Variants in SNTG1 observed in about 807,000 individuals in gnomAD.
SNTG1 encodes the protein gamma-1-syntrophin.
In SNTG1, 39 loss-of-function variants were observed where a neutral mutation model predicts 74.7. That is an observed-to-expected ratio of 0.52 (90% CI 0.40 to 0.68). The LOEUF (loss-of-function observed/expected upper bound fraction) is 0.68. Among genes scored for constraint, SNTG1 ranks in the 30% least tolerant of loss-of-function variants. The pLI is 0.00. For missense variants in SNTG1, 685 were observed against 609.5 expected (o/e 1.12, Z -1.30); for synonymous variants, 254 against 217.1 (o/e 1.17, Z -1.49).
chr8:50,183,360 C>A (rs1435968909), intron 2 of SNTG1, among the ~76,000 whole-genome samples: 1 of 152,150 alleles, frequency 6.6e-6, no homozygotes, highest in African/African-American at 2.4e-5. Context: ...TCTGCAGGTG[C>A]CCATTCCCTA....
At chr8:50,034,730 C>A (rs1363503708) in intron 1 of SNTG1, among the ~76,000 whole-genome samples, 1 of 152,146 alleles carries the variant, frequency 6.6e-6, no homozygotes, top group Non-Finnish European at 1.5e-5. Context: ...AGAAAAAAAT[C>A]ACAAAATTAT....
At chr8:50,165,775 T>A (rs906003869) in intron 1 of SNTG1, among the ~76,000 whole-genome samples, 1 of 152,188 alleles carries the variant, frequency 6.6e-6, no homozygotes, top group Non-Finnish European at 1.5e-5. Flanking sequence ...ATTTGTCATA[T>A]AACCAATGGG....
chr8:50,743,239 T>C lies in SNTG1; in HGVS notation c.1285-8762T>C, dbSNP rs1585689479. On this transcript the variant is annotated intron_variant, in intron 17 of 18. Coordinates refer to ENST00000642720, the MANE Select transcript of SNTG1 (RefSeq NM_018967.5). ...GCTCAATATTCCTAATGAATATTAA[T>C]TTAAAAAACTCTCAAAAAATACTAG... Among the ~76,000 whole-genome samples the C allele has an allele frequency of 2.0e-5, 3 of 152,066 alleles. No homozygotes were observed. In the South Asian group the frequency reaches 6.2e-4, roughly 32 times the overall value.
chr8:50,236,745 C>T (rs981380545), intron 2 of SNTG1, among the ~76,000 whole-genome samples: 10 of 151,762 alleles, frequency 6.6e-5, no homozygotes, highest in African/African-American at 1.5e-4. Flanking sequence ...CCACCGCGCC[C>T]GGCCAAAAAT....
intron 1 of SNTG1, among the ~76,000 whole-genome samples, chr8:50,029,197 A>AATT (rs1256807012): frequency 6.6e-6 from 1 of 151,992 alleles, no homozygotes; most frequent in African/African-American, 2.4e-5. Context: ...TTATATTTTT[A>AATT]ATTATTATAG....
intron 2 of SNTG1, among the ~76,000 whole-genome samples, chr8:50,280,985 C>CAA (rs35973666): frequency 9.0e-4 from 68 of 75,196 alleles, no homozygotes; most frequent in East Asian, 1.3e-3. Flanking sequence ...AACCCAGTCT[C>CAA]AAAAAAAAAA....
chr8:49,938,603 T>TTTTCTTTTCTTTTCTTTTTTTTCTTTTC, intron 1 of SNTG1, among the ~76,000 whole-genome samples: 2 of 74,764 alleles, frequency 2.7e-5, no homozygotes, highest in Non-Finnish European at 2.7e-5. Flanking sequence ...TTTTCTTTTC[T>TTTTCTTTTCTTTTCTTTTTTTTCTTTTC]TTTCTTTCTT....
intron 8 of SNTG1, among the ~76,000 whole-genome samples, chr8:50,486,353 G>A (rs1297828901): frequency 6.9e-6 from 1 of 145,572 alleles, no homozygotes; most frequent in Non-Finnish European, 1.5e-5. Flanking sequence ...TCTCCTTGAA[G>A]AGGTCCTTCA....
chr8:49,938,603 T>TTTCTTTC lies in SNTG1; in HGVS notation c.-103+26374_-103+26375insCTTTCTT, dbSNP rs10629764. On this transcript the variant is annotated intron_variant, in intron 1 of 18. Transcript: ENST00000642720. ...TTTTCTTTTCTTTTCTTTTCTTTTC[T>TTTCTTTC]TTTCTTTCTTTCTTTCTTTCTTTCT... 2.1e-3 allele frequency among the ~76,000 whole-genome samples: 160 copies of TTTCTTTC among 74,738 alleles called. 9 individuals are homozygous for TTTCTTTC. The highest frequency in any genetic ancestry group is 0.013 in the Middle Eastern group (2 of 154). The allele number at this position is 74,738 out of a possible 152,430, so 49.0% of individuals were successfully genotyped here. A position where few individuals can be genotyped will look rare whatever the true frequency, so the allele number is the denominator to read the frequency against.
chr8:50,239,344 T>C (rs2086064750), intron 2 of SNTG1, among the ~76,000 whole-genome samples: 1 of 152,182 alleles, frequency 6.6e-6, no homozygotes, highest in African/African-American at 2.4e-5. Flanking sequence ...TTTAATTGTC[T>C]CACAGTTCTG....
At chr8:50,671,437 A>T (rs1000097037) in intron 15 of SNTG1, among the ~76,000 whole-genome samples, 1 of 139,504 alleles carries the variant, frequency 7.2e-6, no homozygotes, top group Non-Finnish European at 1.5e-5. Flanking sequence ...AAAGACACAT[A>T]AAAAAATGCT....
intron 1 of SNTG1, among the ~76,000 whole-genome samples, chr8:49,977,872 A>C (rs1812331097): frequency 1.3e-5 from 2 of 152,208 alleles, no homozygotes; most frequent in South Asian, 4.1e-4. Flanking sequence ...TGGCACCACA[A>C]ACACTGCTTG....
At chr8:50,532,270 G>T (rs563463921) in intron 10 of SNTG1, among the ~76,000 whole-genome samples, 1 of 152,014 alleles carries the variant, frequency 6.6e-6, no homozygotes, top group African/African-American at 2.4e-5. Flanking sequence ...TCAAAATAAA[G>T]ACAAAAATCT....
At chr8:50,572,602 T>C (rs1261013272) in intron 12 of SNTG1, among the ~76,000 whole-genome samples, 2 of 152,148 alleles carry the variant, frequency 1.3e-5, no homozygotes, top group Non-Finnish European at 2.9e-5. Flanking sequence ...TACATAGTCA[T>C]GAGAAATAAC....
chr8:50,733,546 C>A (rs979740920), intron 17 of SNTG1, among the ~76,000 whole-genome samples: 2 of 152,046 alleles, frequency 1.3e-5, no homozygotes, highest in East Asian at 3.9e-4. Context: ...ACATTCCCAC[C>A]AACAGTGTAT....
intron 8 of SNTG1, among the ~76,000 whole-genome samples, chr8:50,481,792 C>T (rs944042540): frequency 3.3e-5 from 5 of 152,152 alleles, no homozygotes; most frequent in African/African-American, 9.7e-5. Flanking sequence ...AATCCTTTTA[C>T]GTCTCTTTCA....
At chr8:50,052,139 T>C (rs1563525332) in intron 1 of SNTG1, among the ~76,000 whole-genome samples, 1 of 152,068 alleles carries the variant, frequency 6.6e-6, no homozygotes, top group South Asian at 2.1e-4. Context: ...TCATACTATA[T>C]TTCCTGATTT....
intron 2 of SNTG1, among the ~76,000 whole-genome samples, chr8:50,180,974 G>A (rs2083185961): frequency 6.6e-6 from 1 of 152,054 alleles, no homozygotes; most frequent in Non-Finnish European, 1.5e-5. Context: ...ATGTTGGCCA[G>A]TCTGGTCTCG....
intron 1 of SNTG1, among the ~76,000 whole-genome samples, chr8:50,050,447 A>G (rs1355706809): frequency 6.6e-6 from 1 of 152,036 alleles, no homozygotes; most frequent in Non-Finnish European, 1.5e-5. Context: ...AATGAAATTT[A>G]ATCAATAATT....
Sources: gnomAD v4.1 joint callset for allele counts (sites outside exome capture counted in the v4.1 genomes callset) on GRCh38, gnomAD v4.1.1 for gene constraint, MANE v1.5 for transcripts, NCBI Gene and HGNC (gene_info 2026-07-23, HGNC 2026-07-21) for gene names.